Variants in SAXO1 observed in about 807,000 individuals in gnomAD.
SAXO1 encodes the protein stabilizer of axonemal microtubules 1, also known as 4930500O09Rik.
Under a neutral mutation model 17.5 loss-of-function variants are expected in SAXO1, and 21 were observed. That is an observed-to-expected ratio of 1.20 (90% CI 0.85 to 1.72). The LOEUF is 1.72. SAXO1 is among the 40% of genes most tolerant of loss of function. The probability of loss-of-function intolerance (pLI) is 0.00; values close to 1 mark genes in which losing one functional copy is unlikely to be tolerated. For missense variants in SAXO1, 843 were observed against 596.0 expected, an observed-to-expected ratio of 1.41 and a Z score of -4.32; for synonymous variants, 274 against 216.5, an observed-to-expected ratio of 1.27 and a Z score of -2.33.
intron 1 of SAXO1, among the ~76,000 whole-genome samples, chr9:18,958,692 G>T (rs756828822): frequency 2.6e-5 from 4 of 152,048 alleles, no homozygotes; most frequent in Non-Finnish European, 5.9e-5. Flanking sequence ...CAGCCAAAAC[G>T]CTGGGTTAGG....
At chr9:18,949,198 C>T (rs1163869720) in intron 2 of SAXO1, among the ~76,000 whole-genome samples, 1 of 152,210 alleles carries the variant, frequency 6.6e-6, no homozygotes, top group African/African-American at 2.4e-5. Context: ...TACATCAGGA[C>T]ACACAAACAC....
intron 1 of SAXO1, among the ~76,000 whole-genome samples, chr9:19,004,204 G>C (rs1195409980): frequency 6.6e-6 from 1 of 152,230 alleles, no homozygotes; most frequent in Non-Finnish European, 1.5e-5. Flanking sequence ...ATGTCAGTTA[G>C]AATGGTGTTC....
At chr9:19,030,494 G>C (rs999473809) in intron 1 of SAXO1, among the ~76,000 whole-genome samples, 3 of 152,050 alleles carry the variant, frequency 2.0e-5, no homozygotes, top group Non-Finnish European at 2.9e-5. Context: ...ATCATTTGAG[G>C]TCAGGAGTTT....
At chr9:18,940,542 C>T (rs1831508440) in intron 3 of SAXO1, among the ~76,000 whole-genome samples, 1 of 152,204 alleles carries the variant, frequency 6.6e-6, no homozygotes, top group Non-Finnish European at 1.5e-5. Context: ...CTACCTCCAC[C>T]ACCCTCTTCA....
chr9:19,038,575 G>C (rs1188317503), intron 1 of SAXO1, among the ~76,000 whole-genome samples: 4 of 136,838 alleles, frequency 2.9e-5, no homozygotes, highest in African/African-American at 1.1e-4. Context: ...CATGGACACA[G>C]GAAGGGGAAC....
intron 1 of SAXO1, among the ~76,000 whole-genome samples, chr9:18,971,356 G>T (rs182417051): frequency 1.3e-5 from 2 of 152,224 alleles, no homozygotes; most frequent in East Asian, 3.9e-4. Context: ...CTCAACTGTT[G>T]TATCTTCCAT....
At chr9:18,972,802 T>G (rs1464793313) in intron 1 of SAXO1, among the ~76,000 whole-genome samples, 1 of 152,176 alleles carries the variant, frequency 6.6e-6, no homozygotes, top group African/African-American at 2.4e-5. Flanking sequence ...CCCTACATCT[T>G]GTTCTCTTCT....
At chr9:19,012,969 G>T (rs936440913) in intron 1 of SAXO1, among the ~76,000 whole-genome samples, 44 of 152,204 alleles carry the variant, frequency 2.9e-4, no homozygotes, top group African/African-American at 1.1e-3. Flanking sequence ...TGTTTCTATA[G>T]GTCACGCTTT....
At chr9:18,991,612 T>C (rs1485271987) in intron 1 of SAXO1, among the ~76,000 whole-genome samples, 2 of 152,154 alleles carry the variant, frequency 1.3e-5, no homozygotes, top group Non-Finnish European at 2.9e-5. Flanking sequence ...AAATACCTAA[T>C]GTAAATGATG....
At chr9:19,023,140 T>TCCCCCCCCCCCCCCCC (rs200594848) in intron 1 of SAXO1, among the ~76,000 whole-genome samples, 2 of 100,828 alleles carry the variant, frequency 2.0e-5, no homozygotes, top group African/African-American at 3.9e-5. Context: ...CCAGATTACA[T>TCCCCCCCCCCCCCCCC]CCCCCCCCAC....
At chr9:19,048,662 C>G (rs930834706) in intron 1 of SAXO1, among the ~76,000 whole-genome samples, 2 of 152,192 alleles carry the variant, frequency 1.3e-5, no homozygotes, top group Non-Finnish European at 2.9e-5. Flanking sequence ...AAACCAAATT[C>G]CATTTCATCA....
intron 1 of SAXO1, among the ~76,000 whole-genome samples, chr9:19,009,950 C>G (rs539247894): frequency 1.3e-5 from 2 of 152,070 alleles, no homozygotes; most frequent in Non-Finnish European, 2.9e-5. Context: ...CCTCAGCTTC[C>G]CAGGTACCAG....
chr9:18,993,967 A>G (rs1588496048), intron 1 of SAXO1, among the ~76,000 whole-genome samples: 1 of 152,250 alleles, frequency 6.6e-6, no homozygotes, highest in East Asian at 1.9e-4. Flanking sequence ...GGTTGAAAAG[A>G]AAGGCGAACC....
intron 1 of SAXO1, among the ~76,000 whole-genome samples, chr9:19,016,667 A>G (rs1834986930): frequency 6.6e-6 from 1 of 152,150 alleles, no homozygotes; most frequent in South Asian, 2.1e-4. Context: ...ACAACAAAAA[A>G]TGTCCATTGG....
chr9:19,048,981 C>G (rs1178378284), intron 1 of SAXO1, among the ~76,000 whole-genome samples: 1 of 152,244 alleles, frequency 6.6e-6, no homozygotes, highest in Non-Finnish European at 1.5e-5. Context: ...ACTTTCCGCG[C>G]CTGCACAGTC....
intron 1 of SAXO1, among the ~76,000 whole-genome samples, chr9:19,001,427 G>A (rs1238778240): frequency 6.6e-6 from 1 of 152,108 alleles, no homozygotes; most frequent in African/African-American, 2.4e-5. Context: ...CAGCACTTTG[G>A]GAGGTTGAAG....
intron 1 of SAXO1, among the ~76,000 whole-genome samples, chr9:18,996,304 T>C (rs978410261): frequency 6.6e-6 from 1 of 152,228 alleles, no homozygotes; most frequent in African/African-American, 2.4e-5. Context: ...ATGACAGGGA[T>C]ACATTCTGAG....
chr9:18,939,004 G>A (rs1458682136), intron 3 of SAXO1, among the ~76,000 whole-genome samples: 1 of 151,730 alleles, frequency 6.6e-6, no homozygotes, highest in Non-Finnish European at 1.5e-5. Context: ...CTGCACCTAG[G>A]GCAAGGTGGA....
intron 1 of SAXO1, among the ~76,000 whole-genome samples, chr9:19,009,898 C>A (rs536618612): frequency 1.3e-5 from 2 of 151,662 alleles, no homozygotes; most frequent in South Asian, 2.1e-4. Context: ...ACCATCTCTG[C>A]TCACTGCAAC....
Sources: allele counts gnomAD v4.1 joint callset (sites outside exome capture counted in the v4.1 genomes callset), GRCh38; gene constraint gnomAD v4.1.1; transcripts MANE v1.5; gene names NCBI Gene and HGNC (gene_info 2026-07-23, HGNC 2026-07-21).